MAGI1: variants seen among roughly 807,000 people sequenced by gnomAD.
The protein encoded by MAGI1 is membrane associated guanylate kinase, WW and PDZ domain containing 1.
In MAGI1, 58 loss-of-function variants were observed where a neutral mutation model predicts 139.9. The ratio of observed to expected loss-of-function variants is 0.41; its 90% CI spans 0.34 to 0.52. MAGI1 has a LOEUF of 0.52. Among genes scored for constraint, MAGI1 ranks in the 20% least tolerant of loss-of-function variants. MAGI1 has a pLI of 0.12. For missense variants in MAGI1, 1,874 were observed against 1,901.6 expected (o/e 0.99, Z 0.27); for synonymous variants, 812 against 737.9 (o/e 1.10, Z -1.63).
At chr3:65,744,584 A>G (rs939493492) in intron 1 of MAGI1, among the ~76,000 whole-genome samples, 6 of 152,226 alleles carry the variant, frequency 3.9e-5, no homozygotes, top group African/African-American at 1.4e-4. Flanking sequence ...TTAAGAAAGA[A>G]GACTGAATTA....
chr3:65,438,955 C>T (rs1948042340), intron 9 of MAGI1, among the ~76,000 whole-genome samples: 1 of 152,136 alleles, frequency 6.6e-6, no homozygotes, highest in Non-Finnish European at 1.5e-5. Context: ...AAAAAGTTTG[C>T]CAACCTGTAG....
At chr3:65,973,519 C>G (rs1329402922) in intron 1 of MAGI1, among the ~76,000 whole-genome samples, 1 of 152,200 alleles carries the variant, frequency 6.6e-6, no homozygotes, top group Non-Finnish European at 1.5e-5. Context: ...TGAATGTCTC[C>G]TAGCCAAACT....
chr3:65,947,365 T>C (rs372659381), intron 1 of MAGI1, among the ~76,000 whole-genome samples: 5 of 152,324 alleles, frequency 3.3e-5, no homozygotes, highest in South Asian at 4.1e-4. Flanking sequence ...CTCCTAAATA[T>C]ATTTAAAACC....
chr3:65,950,052 A>C (rs1438566773), intron 1 of MAGI1, among the ~76,000 whole-genome samples: 2 of 35,356 alleles, frequency 5.7e-5, no homozygotes, highest in African/African-American at 1.1e-4. Context: ...ATCAAAAAAA[A>C]AAAAAACAAA....
chr3:65,426,470 T>C (rs187916929), intron 12 of MAGI1, among the ~76,000 whole-genome samples: 4 of 152,184 alleles, frequency 2.6e-5, no homozygotes, highest in African/African-American at 7.2e-5. Flanking sequence ...CTTTAAAGCA[T>C]AGAAAGCCAC....
chr3:65,946,583 G>A (rs1324592533), intron 1 of MAGI1, among the ~76,000 whole-genome samples: 1 of 151,906 alleles, frequency 6.6e-6, no homozygotes, highest in African/African-American at 2.4e-5. Flanking sequence ...ATTTGTCTTG[G>A]CAATGGCATT....
chr3:65,766,985 C>A (rs554187169), intron 1 of MAGI1, among the ~76,000 whole-genome samples: 3 of 152,234 alleles, frequency 2.0e-5, no homozygotes, highest in Non-Finnish European at 1.5e-5. Context: ...AACAAACTAC[C>A]GTCTTGGGCA....
intron 1 of MAGI1, among the ~76,000 whole-genome samples, chr3:65,816,573 G>C (rs1055266712): frequency 2.0e-5 from 3 of 150,906 alleles, no homozygotes; most frequent in African/African-American, 7.3e-5. Flanking sequence ...TCAATTATTT[G>C]ACATGACCGA....
chr3:65,557,608 G>C (rs2080148119), intron 2 of MAGI1, among the ~76,000 whole-genome samples: 1 of 152,170 alleles, frequency 6.6e-6, no homozygotes, highest in Non-Finnish European at 1.5e-5. Flanking sequence ...AGATGCCTCT[G>C]TCATATCCTC....
intron 1 of MAGI1, among the ~76,000 whole-genome samples, chr3:66,024,011 T>G (rs1015156495): frequency 1.3e-5 from 2 of 152,144 alleles, no homozygotes; most frequent in African/African-American, 4.8e-5. Flanking sequence ...TAAACCTACA[T>G]GGACTATAAT....
At chr3:66,032,588 G>C (rs1337768265) in intron 1 of MAGI1, among the ~76,000 whole-genome samples, 1 of 151,538 alleles carries the variant, frequency 6.6e-6, no homozygotes, top group Non-Finnish European at 1.5e-5. Context: ...TTGTTTTCAT[G>C]GAACTTCTAT....
rs1426295202 is a variant in MAGI1 at position 65,360,924 on chromosome 3, G to A, written c.3634+275C>T. ...GCACAGTACAAACAAACATTCCTTC[G>A]CTCTTGGTCGGACTAGACAAAACGT... On this transcript the variant is annotated intron_variant, in intron 22 of 22. Transcript: ENST00000402939. The A allele has an allele frequency of 3.6e-5, 50 of 1,376,546 alleles. No homozygotes were observed. The Admixed American group carries it at 4.0e-4, about 11-fold the overall frequency. 85.3% of individuals were successfully genotyped at this position (1,376,546 alleles called of 1,614,324 possible).
At chr3:65,699,588 G>A (rs549779752) in intron 1 of MAGI1, among the ~76,000 whole-genome samples, 3 of 148,566 alleles carry the variant, frequency 2.0e-5, no homozygotes, top group Middle Eastern at 3.4e-3. Flanking sequence ...GGACATGGAT[G>A]AAATTGGAAA....
At chr3:65,594,323 T>C (rs1163028811) in intron 2 of MAGI1, among the ~76,000 whole-genome samples, 2 of 152,180 alleles carry the variant, frequency 1.3e-5, no homozygotes, top group South Asian at 2.1e-4. Context: ...TTTAGAAACA[T>C]TGTTTAGTCA....
In MAGI1 at chr3:65,439,902, TGC is replaced by T; in HGVS notation, c.1245_1246del (p.Gln416AlafsTer49). On this transcript the variant is annotated frameshift_variant, in exon 9 of 23. Coordinates refer to ENST00000402939, the MANE Select transcript of MAGI1 (RefSeq NM_001033057.2). LOFTEE classifies it high-confidence loss of function. ...ACCTTCTGTCTGCTGCTGCTGCTGC[TGC>T]TGCTGCTGCTGTTGCTGCTGCTGTT... The T allele has an allele frequency of 6.2e-7, 1 of 1,608,626 alleles. No homozygotes were observed.
intron 2 of MAGI1, among the ~76,000 whole-genome samples, chr3:65,602,538 G>C (rs1255195821): frequency 6.6e-6 from 1 of 152,030 alleles, no homozygotes; most frequent in African/African-American, 2.4e-5. Context: ...AGCTGTGGGA[G>C]TTAGAAGGAA....
rs563437549 is a variant in MAGI1 at position 65,978,960 on chromosome 3, T to C, written c.313+59036A>G. Among the ~76,000 whole-genome samples the C allele has an allele frequency of 9.9e-4, 150 of 152,080 alleles. 1 individual carries two copies. Among genetic ancestry groups the C allele is most frequent in the African/African-American group, 3.5e-3 (146 of 41,500 alleles). The stretch of plus-strand genomic sequence containing the variant: ...AATTTCTTCATTCACAAAGCAATAA[T>C]TTCGAGGACTCAGAAAGCATCTCTT... On this transcript the variant is annotated intron_variant, in intron 1 of 22. Coordinates refer to ENST00000402939, the MANE Select transcript of MAGI1 (RefSeq NM_001033057.2).
At chr3:65,780,226 G>C (rs537715532) in intron 1 of MAGI1, among the ~76,000 whole-genome samples, 16 of 152,120 alleles carry the variant, frequency 1.1e-4, no homozygotes, top group Non-Finnish European at 2.2e-4. Context: ...GTTTTGCCAT[G>C]TTGCCCAGGC....
chr3:65,887,763 G>A (rs960238975), intron 1 of MAGI1, among the ~76,000 whole-genome samples: 15 of 152,168 alleles, frequency 9.9e-5, no homozygotes, highest in Non-Finnish European at 1.8e-4. Flanking sequence ...TTCGATCAAT[G>A]TCTTAAAGCT....
Sources: allele counts gnomAD v4.1 joint callset (sites outside exome capture counted in the v4.1 genomes callset), GRCh38; gene constraint gnomAD v4.1.1; transcripts MANE v1.5; gene names NCBI Gene and HGNC (gene_info 2026-07-23, HGNC 2026-07-21).